Variants in EXOC1 observed in about 807,000 individuals in gnomAD.
The protein encoded by EXOC1 is SEC3-like 1.
In EXOC1, 67 loss-of-function variants were observed where a neutral mutation model predicts 107.7. The observed-to-expected ratio is 0.62, with a 90% CI of 0.51 to 0.76. EXOC1 has a LOEUF of 0.76. EXOC1 is among the 30% of genes least tolerant of loss of function. The pLI is 0.00. For missense variants in EXOC1, 833 were observed against 1,055.7 expected, an observed-to-expected ratio of 0.79 and a Z score of 2.92; for synonymous variants, 348 against 353.5, an observed-to-expected ratio of 0.98 and a Z score of 0.17.
intron 8 of EXOC1, chr4:55,876,653 CTTG>C: frequency 2.0e-6 from 2 of 985,248 alleles, no homozygotes; most frequent in South Asian, 4.7e-5. Context: ...TGTTCTAGTT[CTTG>C]TTATTTTGAA....
chr4:55,873,058 A>G (rs1224674283), intron 8 of EXOC1, among the ~76,000 whole-genome samples: 2 of 152,040 alleles, frequency 1.3e-5, no homozygotes, highest in African/African-American at 2.4e-5. Flanking sequence ...AAATAGTAAT[A>G]TTACTCCTTC....
chr4:55,858,548 A>C, intron 2 of EXOC1, 101 bp downstream of exon 2: 1 of 1,334,216 alleles, frequency 7.5e-7, no homozygotes, highest in Middle Eastern at 2.8e-4. Context: ...TGTAATTGGA[A>C]AAATTGTTGG....
chr4:55,856,709 A>G (rs1009525567), intron 1 of EXOC1, among the ~76,000 whole-genome samples: 3 of 152,216 alleles, frequency 2.0e-5, no homozygotes, highest in Non-Finnish European at 4.4e-5. Flanking sequence ...ACAAATATGT[A>G]TATGAAAAAT....
intron 1 of EXOC1, among the ~76,000 whole-genome samples, chr4:55,855,483 A>C (rs1720874931): frequency 6.6e-6 from 1 of 152,232 alleles, no homozygotes; most frequent in African/African-American, 2.4e-5. Flanking sequence ...CATTTGTTAA[A>C]TGCCTAGTTT....
intron 6 of EXOC1, 67 bp downstream of exon 6, chr4:55,870,972 A>AC (rs1330301620): frequency 1.9e-6 from 3 of 1,548,278 alleles, no homozygotes; most frequent in Non-Finnish European, 2.6e-6. Context: ...ATTTGTAAAC[A>AC]TTTTTTAATT....
At chr4:55,860,967 A>C (rs1411690284) in intron 3 of EXOC1, among the ~76,000 whole-genome samples, 1 of 152,088 alleles carries the variant, frequency 6.6e-6, no homozygotes, top group East Asian at 1.9e-4. Context: ...TCAAAAAAAA[A>C]AAAAAAGAAA....
intron 14 of EXOC1, 125 bp downstream of exon 14, chr4:55,892,836 G>A: frequency 2.5e-6 from 2 of 795,834 alleles, no homozygotes; most frequent in Non-Finnish European, 4.1e-6. Flanking sequence ...CAGCATGTGT[G>A]TCCATTGTCT....
chr4:55,899,707 C>A lies in EXOC1; in HGVS notation c.2160C>A (p.Ser720Arg). ...FVNVEKVANE[S>R]QKTPRDVVMM... is the part of the protein sequence containing the mutation. ...TAGTGGAGAAAGTAGCAAATGAAAG[C>A]CAGAAGACCCCCAGGGATGTGGTTA... Residue 720 changes from serine to arginine, a missense_variant, in exon 17 of 19, where the codon AGC becomes AGA. Around this residue, in one of 2 missense-constraint regions of EXOC1, gnomAD observed 216 missense variants for 354.4 expected, o/e 0.61. Transcript: ENST00000381295. The A allele has an allele frequency of 6.2e-7, 1 of 1,611,564 alleles. No individual in the cohort carries two copies. The highest frequency in any genetic ancestry group is 8.5e-7 in the Non-Finnish European group (1 of 1,178,990).
chr4:55,885,154 C>T (rs950493620), intron 10 of EXOC1, among the ~76,000 whole-genome samples: 1 of 151,886 alleles, frequency 6.6e-6, no homozygotes, highest in Non-Finnish European at 1.5e-5. Context: ...AATGCAGTTA[C>T]ATGTTTAATG....
At chr4:55,864,910 A>T (rs1347031913) in intron 4 of EXOC1, among the ~76,000 whole-genome samples, 1 of 152,196 alleles carries the variant, frequency 6.6e-6, no homozygotes, top group African/African-American at 2.4e-5. Flanking sequence ...TGTAGTGGTT[A>T]AGAACATAGC....
intron 15 of EXOC1, among the ~76,000 whole-genome samples, chr4:55,895,233 C>T (rs570926760): frequency 6.6e-6 from 1 of 152,278 alleles, no homozygotes; most frequent in Non-Finnish European, 1.5e-5. Flanking sequence ...TGAGTGCTTA[C>T]TGTGTACCAG....
Position 55,883,845 on chromosome 4 carries a change from G to T in EXOC1, c.1247G>T (p.Arg416Leu). ...AAGAATTACATGGATTATTTATCCC[G>T]ACTATATGAAAGAGAAATCAAAGAT... ...LTKNYMDYLS[R>L]LYEREIKDFF... The change falls in exon 10 of 19, where the codon CGA (arginine) becomes CTA (leucine). Residue 416 changes from arginine (R) to leucine (L), a missense_variant. Physicochemically the swap from Arg to Leu is moderately radical, Grantham distance 102. Transcript: ENST00000381295. The T allele has an allele frequency of 6.3e-7, 1 of 1,597,516 alleles. No homozygotes were observed. The highest frequency in any genetic ancestry group is 1.1e-5 in the South Asian group (1 of 87,692).
chr4:55,902,297 A>G, intron 17 of EXOC1, 47 bp from the exon 18 acceptor site: 4 of 1,321,502 alleles, frequency 3.0e-6, no homozygotes, highest in Middle Eastern at 2.0e-4. Context: ...AATGTAAATA[A>G]TAATAAATGC....
chr4:55,871,800 G>A, intron 7 of EXOC1, 49 bp from the exon 8 acceptor site: 1 of 1,529,030 alleles, frequency 6.5e-7, no homozygotes, highest in African/African-American at 1.4e-5. Context: ...AAACATCAAG[G>A]AAATCTTTTT....
Position 55,901,918 on chromosome 4 carries a change from A to G in EXOC1, c.2338-426A>G, listed in dbSNP as rs1253296286. Among the ~76,000 whole-genome samples, 3 of 152,278 alleles carry G rather than the reference A, an allele frequency of 2.0e-5. No individual in the cohort carries two copies. In the East Asian group the frequency reaches 5.8e-4, roughly 29 times the overall value. ...TACTTATATACAAAAAAAATTTATG[A>G]CAAATATATTTATAGTAGATTTTCT... On this transcript the variant is annotated intron_variant, in intron 17 of 18. Transcript: ENST00000381295.
At chr4:55,888,762 A>G (rs1327427089) in intron 10 of EXOC1, 126 bp from the exon 11 acceptor site, 74 of 883,430 alleles carry the variant, frequency 8.4e-5, no homozygotes, top group South Asian at 1.6e-4. Context: ...TTGTTACTTG[A>G]TGCTCATGGT....
At chr4:55,886,582 A>ACAAAAAAC (rs56889219) in intron 10 of EXOC1, among the ~76,000 whole-genome samples, 1 of 151,676 alleles carries the variant, frequency 6.6e-6, no homozygotes. Flanking sequence ...AAACAAAAAA[A>ACAAAAAAC]AAAAAAACAA....
At position 55,901,216 on chromosome 4, in the gene EXOC1, T is replaced by C. The variant is rs948119237; in HGVS notation, c.2338-1128T>C. On this transcript the variant is annotated intron_variant, in intron 17 of 18. Transcript: ENST00000381295. Reference sequence around the variant, plus strand: ...AGATTATCACCACCTGTATATGATATGTTGAAATTACTGGTGTTGGTCAAG... The same window carrying C: ...AGATTATCACCACCTGTATATGATACGTTGAAATTACTGGTGTTGGTCAAG... Among the ~76,000 whole-genome samples, 32 of 152,316 alleles carry C rather than the reference T, an allele frequency of 2.1e-4. No individual in the cohort carries two copies. In the East Asian group the frequency reaches 2.5e-3, roughly 12 times the overall value.
intron 8 of EXOC1, chr4:55,876,002 C>A: frequency 1.0e-6 from 1 of 973,768 alleles, no homozygotes; most frequent in Non-Finnish European, 1.2e-6. Context: ...ACATGTGATG[C>A]TGTAGAATCC....
Sources: allele counts gnomAD v4.1 joint callset (sites outside exome capture counted in the v4.1 genomes callset), GRCh38; gene constraint gnomAD v4.1.1; regional missense constraint gnomAD v4.1.1; transcripts MANE v1.5; gene names NCBI Gene and HGNC (gene_info 2026-07-23, HGNC 2026-07-21).